PRP4K: variants seen among roughly 807,000 people sequenced by gnomAD.
PRP4K encodes the protein serine/threonine-protein kinase PRP4 homolog.
the PRP4K span, among the ~76,000 whole-genome samples, chr6:4,050,175 C>A: frequency 1.0e-4 from 2 of 19,442 alleles, 1 homozygote; most frequent in South Asian, 1.8e-3. Context: ...TACAGGCGCC[C>A]GCCACTACGC....
the PRP4K span, among the ~76,000 whole-genome samples, chr6:4,039,870 TTCTC>T: frequency 7.0e-6 from 1 of 142,684 alleles, no homozygotes; most frequent in South Asian, 2.6e-4. Context: ...TCTTTCTCTT[TTCTC>T]TCTCTCCTCT....
the PRP4K span, among the ~76,000 whole-genome samples, chr6:4,042,874 A>T: frequency 6.6e-6 from 1 of 152,242 alleles, no homozygotes; most frequent in Admixed American, 6.5e-5. Flanking sequence ...AGTATAGAAT[A>T]AACTGGAGGA....
chr6:4,057,923 C>T, the PRP4K span, among the ~76,000 whole-genome samples: 5 of 152,110 alleles, frequency 3.3e-5, no homozygotes, highest in Admixed American at 3.3e-4. Context: ...TGTAACTTAG[C>T]TTTTTAAGAT....
At chr6:4,054,515 G>A in the PRP4K span, among the ~76,000 whole-genome samples, 131,022 of 152,124 alleles carry the variant, frequency 0.86, 56,573 homozygotes, top group Middle Eastern at 0.92. Flanking sequence ...TTTTACCTCA[G>A]TTTTTTTTAT....
the PRP4K span, chr6:4,052,653 C>T: frequency 4.5e-6 from 6 of 1,321,978 alleles, no homozygotes; most frequent in East Asian, 2.4e-5. Flanking sequence ...ATGTTTTTGC[C>T]TTTTTATATT....
At chr6:4,044,172 A>G in the PRP4K span, 3 of 677,322 alleles carry the variant, frequency 4.4e-6, no homozygotes, top group Admixed American at 2.9e-5. Context: ...AATATTAAAT[A>G]TGTCCTTAGA....
the PRP4K span, among the ~76,000 whole-genome samples, chr6:4,059,042 C>T: frequency 1.3e-5 from 2 of 152,106 alleles, no homozygotes; most frequent in Non-Finnish European, 2.9e-5. Flanking sequence ...TATTTAGGCC[C>T]TCGTCACATC....
the PRP4K span, among the ~76,000 whole-genome samples, chr6:4,058,216 A>G: frequency 2.6e-5 from 4 of 152,192 alleles, no homozygotes; most frequent in East Asian, 1.9e-4. Context: ...GAGTTTCACT[A>G]TGTTGACCAG....
At chr6:4,037,527 C>T in the PRP4K span, 27 of 1,613,942 alleles carry the variant, frequency 1.7e-5, no homozygotes, top group Middle Eastern at 1.7e-4. Context: ...CCCACTCAGA[C>T]GTAGCAGGTC....
At chr6:4,058,947 A>C in the PRP4K span, 3 of 624,020 alleles carry the variant, frequency 4.8e-6, no homozygotes, top group Non-Finnish European at 8.3e-6. Context: ...ACCAATTCCT[A>C]AATAAAACAC....
chr6:4,047,079 A>T, the PRP4K span: 7 of 1,057,756 alleles, frequency 6.6e-6, no homozygotes, highest in South Asian at 7.9e-5. Context: ...AAGAGGGCAA[A>T]AAAGTTTGAA....
chr6:4,035,529 T>TCAAGAAGTAAGCACTAC, the PRP4K span, among the ~76,000 whole-genome samples: 5 of 152,056 alleles, frequency 3.3e-5, no homozygotes, highest in African/African-American at 1.2e-4. Flanking sequence ...GATGGCCCTA[T>TCAAGAAGTAAGCACTAC]CAAGAAGTAA....
the PRP4K span, chr6:4,047,260 T>C: frequency 3.1e-5 from 50 of 1,599,546 alleles, 1 homozygote; most frequent in South Asian, 5.4e-4. Context: ...TAAGTTATTT[T>C]AAATCAAGTG....
At chr6:4,049,548 G>A in the PRP4K span, 1 of 595,340 alleles carries the variant, frequency 1.7e-6, no homozygotes, top group South Asian at 2.4e-5. Context: ...TCTGAAGTAG[G>A]CATGCAGCTT....
At chr6:4,049,624 C>G in the PRP4K span, 2 of 1,145,856 alleles carry the variant, frequency 1.7e-6, no homozygotes, top group South Asian at 1.6e-5. Context: ...GTCTAGGAAA[C>G]CAAATAGTAG....
At chr6:4,021,609 C>A in the PRP4K span, 2 of 1,181,574 alleles carry the variant, frequency 1.7e-6, no homozygotes, top group Non-Finnish European at 2.4e-6. Context: ...GGGTGGGAGG[C>A]ATGGGGAGCA....
chr6:4,043,539 G>A, the PRP4K span, among the ~76,000 whole-genome samples: 1 of 152,084 alleles, frequency 6.6e-6, no homozygotes, highest in Admixed American at 6.5e-5. Context: ...TCACACTGGG[G>A]AGAAAATAAG....
chr6:4,047,904 A>G, the PRP4K span, among the ~76,000 whole-genome samples: 4 of 10,250 alleles, frequency 3.9e-4, no homozygotes, highest in African/African-American at 7.7e-4. Context: ...GTATATGTAC[A>G]CACACACACA....
the PRP4K span, chr6:4,048,976 A>G: frequency 6.8e-7 from 1 of 1,465,470 alleles, no homozygotes; most frequent in Non-Finnish European, 9.4e-7. Flanking sequence ...TAAATGTCTG[A>G]CAAGTGGGTA....
Sources: gnomAD v4.1 joint callset for allele counts (sites outside exome capture counted in the v4.1 genomes callset) on GRCh38, gnomAD v4.1.1 for gene constraint, MANE v1.5 for transcripts, NCBI Gene and HGNC (gene_info 2026-07-23, HGNC 2026-07-21) for gene names.